Variants in GPATCH2 observed in about 807,000 individuals in gnomAD.
GPATCH2 encodes the protein G-patch domain containing 2.
Under a neutral mutation model 58.0 loss-of-function variants are expected in GPATCH2, and 51 were observed. That is an observed-to-expected ratio of 0.88 (90% CI 0.70 to 1.11). The LOEUF (loss-of-function observed/expected upper bound fraction) is 1.11. Ranked by LOEUF, GPATCH2 falls within the 50% of genes most tolerant of loss-of-function variation. The pLI is 0.00. For missense variants in GPATCH2, 625 were observed against 652.2 expected (o/e 0.96, Z 0.45); for synonymous variants, 222 against 218.5 (o/e 1.02, Z -0.14).
intron 5 of GPATCH2, among the ~76,000 whole-genome samples, chr1:217,555,040 G>T (rs1181701015): frequency 1.3e-5 from 2 of 152,078 alleles, no homozygotes; most frequent in African/African-American, 4.8e-5. Context: ...TGTACAGATG[G>T]CTTGAAAATT....
chr1:217,577,269 TACA>T (rs1666850690), intron 5 of GPATCH2, among the ~76,000 whole-genome samples: 1 of 152,174 alleles, frequency 6.6e-6, no homozygotes, highest in Non-Finnish European at 1.5e-5. Context: ...GTAAGAATAA[TACA>T]ACTCAACTGA....
At position 217,625,038 on chromosome 1, in the gene GPATCH2, T is replaced by C. The variant is rs562238953; in HGVS notation, c.57-4539A>G. ...GAGTACTTTGTTTTTTCGGGTGGTA[T>C]TGGATTATGCTGAGCAATATAAAAT... On this transcript the variant is annotated intron_variant, in intron 1 of 9. Transcript: ENST00000366935. Among the ~76,000 whole-genome samples the C allele has an allele frequency of 6.6e-5, 10 of 152,310 alleles. No homozygotes were observed. In the East Asian group the frequency reaches 1.9e-3, roughly 29 times the overall value.
intron 8 of GPATCH2, among the ~76,000 whole-genome samples, chr1:217,457,194 G>T (rs574832688): frequency 6.6e-6 from 1 of 152,274 alleles, no homozygotes; most frequent in South Asian, 2.1e-4. Context: ...GGTTGCATTG[G>T]TTTGATTTGC....
intron 5 of GPATCH2, chr1:217,609,629 A>T (rs1026987775): frequency 1.0e-6 from 1 of 979,202 alleles, no homozygotes; most frequent in Non-Finnish European, 1.2e-6. Flanking sequence ...CCTACTACTC[A>T]TCTTAGCCCT....
At chr1:217,602,018 T>G (rs1302764004) in intron 5 of GPATCH2, among the ~76,000 whole-genome samples, 1 of 152,158 alleles carries the variant, frequency 6.6e-6, no homozygotes, top group Non-Finnish European at 1.5e-5. Context: ...ATTTAAGGGT[T>G]CAGTCTAGTC....
At chr1:217,473,458 A>T (rs1264191052) in intron 8 of GPATCH2, among the ~76,000 whole-genome samples, 2 of 152,296 alleles carry the variant, frequency 1.3e-5, no homozygotes, top group Middle Eastern at 3.4e-3. Flanking sequence ...GTATTTATTT[A>T]TGAAAAGAAT....
intron 5 of GPATCH2, among the ~76,000 whole-genome samples, chr1:217,575,628 T>A (rs1198894180): frequency 6.6e-6 from 1 of 152,096 alleles, no homozygotes; most frequent in Non-Finnish European, 1.5e-5. Context: ...AGAAACCTAT[T>A]AGTATGATAA....
chr1:217,461,623 G>T (rs1660202054), intron 8 of GPATCH2, among the ~76,000 whole-genome samples: 1 of 151,924 alleles, frequency 6.6e-6, no homozygotes, highest in South Asian at 2.1e-4. Context: ...TTTTTATTGT[G>T]GTTCCAATTT....
In GPATCH2 at chr1:217,429,382, G is replaced by A. The variant is rs1033679859; in HGVS notation, c.*1763C>T. On this transcript the variant is annotated 3_prime_UTR_variant, in exon 10 of 10. Coordinates refer to ENST00000366935, the MANE Select transcript of GPATCH2 (RefSeq NM_018040.5). ...CTCTAGGTACAATATCCCTGGGAAA[G>A]AAGATAATTCTCAAGAAATGTACAT... The A allele has an allele frequency of 6.6e-6, 1 of 152,168 alleles. No homozygotes were observed. Among genetic ancestry groups the A allele is most frequent in the Non-Finnish European group, 1.5e-5 (1 of 68,036 alleles). 9.4% of individuals were successfully genotyped at this position (152,168 alleles called of 1,614,324 possible).
At chr1:217,493,703 TAAAG>T (rs1479798818) in intron 7 of GPATCH2, among the ~76,000 whole-genome samples, 2 of 152,142 alleles carry the variant, frequency 1.3e-5, no homozygotes, top group African/African-American at 2.4e-5. Context: ...TTTCTGAAAA[TAAAG>T]AAAATTAATT....
chr1:217,581,787 C>T (rs1667097017), intron 5 of GPATCH2, among the ~76,000 whole-genome samples: 1 of 152,076 alleles, frequency 6.6e-6, no homozygotes, highest in Admixed American at 6.6e-5. Flanking sequence ...CCCATCTCTA[C>T]TAAAAATACA....
chr1:217,429,446 T>A lies in GPATCH2; in HGVS notation c.*1699A>T, dbSNP rs569520237. 1 of 152,148 alleles carries A rather than the reference T, an allele frequency of 6.6e-6. No individual in the cohort carries two copies. The highest frequency in any genetic ancestry group is 1.5e-5 in the Non-Finnish European group (1 of 68,032). 9.4% of individuals were successfully genotyped at this position (152,148 alleles called of 1,614,324 possible). On this transcript the variant is annotated 3_prime_UTR_variant, in exon 10 of 10. Coordinates refer to ENST00000366935, the MANE Select transcript of GPATCH2 (RefSeq NM_018040.5). ...AAGGCTTTCAAATAGCAGGTTGGAC[T>A]TCCCCTCCCTAGTTGGCAGGATTTT...
intron 5 of GPATCH2, among the ~76,000 whole-genome samples, chr1:217,558,412 C>T (rs993427037): frequency 1.1e-4 from 16 of 152,142 alleles, no homozygotes; most frequent in African/African-American, 3.6e-4. Flanking sequence ...GAATCAAACA[C>T]GGAAGGTACA....
chr1:217,450,074 A>C (rs1659588345), intron 8 of GPATCH2, among the ~76,000 whole-genome samples: 1 of 152,162 alleles, frequency 6.6e-6, no homozygotes, highest in Non-Finnish European at 1.5e-5. Context: ...AAAAATAAGA[A>C]ATGGGCCAGT....
At chr1:217,607,450 T>C (rs1483027159) in intron 5 of GPATCH2, among the ~76,000 whole-genome samples, 1 of 152,118 alleles carries the variant, frequency 6.6e-6, no homozygotes, top group East Asian at 1.9e-4. Flanking sequence ...CGTCTAGTGC[T>C]CCTAAGTGCA....
At chr1:217,482,958 C>G (rs1452638378) in intron 8 of GPATCH2, among the ~76,000 whole-genome samples, 1 of 152,148 alleles carries the variant, frequency 6.6e-6, no homozygotes, top group Non-Finnish European at 1.5e-5. Flanking sequence ...CTTTCTTTCA[C>G]TATGTAGTAG....
intron 2 of GPATCH2, among the ~76,000 whole-genome samples, chr1:217,618,734 T>C (rs965887630): frequency 2.0e-5 from 3 of 151,966 alleles, no homozygotes; most frequent in Non-Finnish European, 2.9e-5. Flanking sequence ...CCAAGGTGGG[T>C]GGATCACTTG....
intron 5 of GPATCH2, among the ~76,000 whole-genome samples, chr1:217,527,475 TC>T (rs1663967890): frequency 3.8e-5 from 5 of 133,114 alleles, no homozygotes; most frequent in Admixed American, 1.5e-4. Context: ...GCCAATAACA[TC>T]CATTTTTTTT....
intron 5 of GPATCH2, among the ~76,000 whole-genome samples, chr1:217,550,160 T>C (rs140286262): frequency 0.018 from 2,735 of 152,218 alleles, 39 homozygotes; most frequent in Middle Eastern, 0.088. Context: ...AAGACAAGGG[T>C]TCACCACTTG....
Sources: gnomAD v4.1 joint callset for allele counts (sites outside exome capture counted in the v4.1 genomes callset) on GRCh38, gnomAD v4.1.1 for gene constraint, MANE v1.5 for transcripts, NCBI Gene and HGNC (gene_info 2026-07-23, HGNC 2026-07-21) for gene names.